ARHGEF18: variants seen among roughly 807,000 people sequenced by gnomAD.
ARHGEF18 encodes the protein rho guanine nucleotide exchange factor 18.
ARHGEF18 carries 93 observed loss-of-function variants against 155.7 expected under a neutral mutation model. That is an observed-to-expected ratio of 0.60 (90% confidence interval 0.50 to 0.71). The LOEUF is 0.71. Among genes scored for constraint, ARHGEF18 ranks in the 30% least tolerant of loss-of-function variants. The pLI is 0.00. For synonymous variants in ARHGEF18, 742 were observed against 753.1 expected (o/e 0.99, Z 0.24); for missense variants, 1,593 against 1,816.1 (o/e 0.88, Z 2.23).
At chr19:7,447,256 T>C (rs1232803289) in intron 15 of ARHGEF18, 88 bp downstream of exon 15, 11 of 1,311,458 alleles carry the variant, frequency 8.4e-6, no homozygotes, top group Non-Finnish European at 8.2e-6. Flanking sequence ...TTTGGGAGTC[T>C]GAGGCGGGCG....
intron 1 of ARHGEF18, among the ~76,000 whole-genome samples, chr19:7,359,094 CAGG>C (rs1935422990): frequency 6.6e-6 from 1 of 152,036 alleles, no homozygotes; most frequent in Non-Finnish European, 1.5e-5. Flanking sequence ...ACAGAGATAC[CAGG>C]AGAATGGTGA....
At chr19:7,442,901 CTTTTT>C (rs922748123) in intron 13 of ARHGEF18, among the ~76,000 whole-genome samples, 2 of 151,720 alleles carry the variant, frequency 1.3e-5, no homozygotes, top group African/African-American at 4.8e-5. Context: ...CCTCTTTTTT[CTTTTT>C]TTGAGACAGG....
At position 7,395,043 on chromosome 19, in the gene ARHGEF18, A is replaced by G. The variant is rs1971611575; in HGVS notation, c.967+11840A>G. 2.0e-6 allele frequency: 2 copies of G among 985,114 alleles called. No homozygotes were observed. The highest frequency in any genetic ancestry group is 2.4e-6 in the Non-Finnish European group (2 of 829,736). 61.0% of individuals were successfully genotyped at this position (985,114 alleles called of 1,614,324 possible). Reference sequence around the variant, plus strand: ...GGTCCCCGGGAGCGCCCCGCCCTCGAGGGCACGCCTCCTTCCGGGTCACGC... The same window carrying G: ...GGTCCCCGGGAGCGCCCCGCCCTCGGGGGCACGCCTCCTTCCGGGTCACGC... On this transcript the variant is annotated intron_variant, in intron 10 of 28. Coordinates refer to ENST00000668164, the MANE Select transcript of ARHGEF18 (RefSeq NM_001367823.1). The surrounding 1 kb of genome is among the most constrained non-coding windows in gnomAD (Gnocchi z 5.0).
chr19:7,416,578 T>TGTGTGTGTGTGTGTGTGTGTGTG (rs1555714166), intron 10 of ARHGEF18, among the ~76,000 whole-genome samples: 1 of 132,504 alleles, frequency 7.5e-6, no homozygotes, highest in Admixed American at 7.4e-5. Context: ...TGTGTGTGTG[T>TGTGTGTGTGTGTGTGTGTGTGTG]TTTGGGGTGG....
chr19:7,349,478 G>C (rs1215210756), intron 1 of ARHGEF18, among the ~76,000 whole-genome samples: 1 of 151,956 alleles, frequency 6.6e-6, no homozygotes, highest in African/African-American at 2.4e-5. Flanking sequence ...GGGCTGCTAG[G>C]TAAGAAAGGA....
intron 15 of ARHGEF18, among the ~76,000 whole-genome samples, chr19:7,448,297 C>T (rs993961725): frequency 1.3e-5 from 2 of 152,084 alleles, no homozygotes; most frequent in African/African-American, 4.8e-5. Context: ...GGCAGATCAC[C>T]TGAGGTCAGA....
chr19:7,351,870 G>C (rs1415523145), intron 1 of ARHGEF18, among the ~76,000 whole-genome samples: 1 of 150,946 alleles, frequency 6.6e-6, no homozygotes, highest in Non-Finnish European at 1.5e-5. Flanking sequence ...AATTTTAGTA[G>C]TTTTAGTAGA....
chr19:7,402,455 G>C (rs1256230592), intron 10 of ARHGEF18, among the ~76,000 whole-genome samples: 2 of 152,134 alleles, frequency 1.3e-5, no homozygotes, highest in Non-Finnish European at 2.9e-5. Context: ...AATAGATTGT[G>C]ATGACAGATG....
At chr19:7,426,333 A>G (rs1973659541) in intron 10 of ARHGEF18, among the ~76,000 whole-genome samples, 2 of 151,832 alleles carry the variant, frequency 1.3e-5, no homozygotes, top group African/African-American at 4.8e-5. Flanking sequence ...CTAAAAATAG[A>G]AAAATTAGCC....
chr19:7,457,465 T>A (rs1225931961), intron 18 of ARHGEF18, among the ~76,000 whole-genome samples: 3 of 146,600 alleles, frequency 2.0e-5, no homozygotes, highest in Non-Finnish European at 3.0e-5. Flanking sequence ...CGAGTTCAAG[T>A]GATTCTCCTG....
chr19:7,470,223 A>G lies in ARHGEF18; in HGVS notation c.4011A>G (p.Pro1337=), dbSNP rs1487344584. ...GCACAGCCCTCCTGCCCGGGCCCCC[A>G]GCTCCCTCGCCACTGCCGGCCACAC... ...AGGTALLPGP[P]APSPLPATPL... Residue 1337 remains proline (P), a synonymous_variant, in exon 29 of 29, where the codon CCA becomes CCG. Transcript: ENST00000668164. The surrounding 1 kb of genome is among the most constrained non-coding windows in gnomAD (Gnocchi z 5.9). The G allele has an allele frequency of 1.2e-6, 2 of 1,609,226 alleles. No homozygotes were observed. Among genetic ancestry groups the G allele is most frequent in the South Asian group, 1.1e-5 (1 of 90,884 alleles).
chr19:7,478,236 A>G, the ARHGEF18 span: 1 of 1,485,208 alleles, frequency 6.7e-7, no homozygotes, highest in Admixed American at 1.9e-5. Context: ...ATGGGCCTGC[A>G]CAGGGGTGGC....
chr19:7,363,260 C>T (rs6603110), intron 2 of ARHGEF18, among the ~76,000 whole-genome samples: 144,821 of 151,968 alleles, frequency 0.95, 69,038 homozygotes, highest in Middle Eastern at 0.99. Flanking sequence ...AGAAGGGTGG[C>T]TGGGTGGATG....
At chr19:7,385,872 C>CTCTCTCTCTCTCTCTCT (rs1568285803) in intron 10 of ARHGEF18, among the ~76,000 whole-genome samples, 1 of 49,670 alleles carries the variant, frequency 2.0e-5, no homozygotes, top group East Asian at 7.0e-4. Flanking sequence ...TCTCTCTCTC[C>CTCTCTCTCTCTCTCTCT]CCCCTCCCTC....
intron 10 of ARHGEF18, among the ~76,000 whole-genome samples, chr19:7,429,509 G>A (rs976070647): frequency 1.4e-4 from 22 of 152,152 alleles, no homozygotes; most frequent in Non-Finnish European, 2.8e-4. Flanking sequence ...AGGCTTAGGC[G>A]GGAGAATTGC....
At chr19:7,459,389 T>C (rs898295946) in intron 19 of ARHGEF18, among the ~76,000 whole-genome samples, 2 of 151,904 alleles carry the variant, frequency 1.3e-5, no homozygotes, top group Non-Finnish European at 2.9e-5. Context: ...CCCAGCTAGA[T>C]TTTTTATTTT....
At chr19:7,391,269 T>A (rs1326476943) in intron 10 of ARHGEF18, among the ~76,000 whole-genome samples, 1 of 151,902 alleles carries the variant, frequency 6.6e-6, no homozygotes, top group Non-Finnish European at 1.5e-5. Flanking sequence ...TTTCCTCCCG[T>A]CCGTGGGACA....
At position 7,451,353 on chromosome 19, in the gene ARHGEF18, ACT is replaced by A. The variant is rs1600494694; in HGVS notation, c.1855+88_1855+89del. ...TACCCACTCCCTATTTGAGCAGCAA[ACT>A]GAATAAATTCCCTTTGAAATCCAGT... On this transcript the variant is annotated intron_variant, in intron 16 of 28. Transcript: ENST00000668164. 76 of 1,141,186 alleles carry A rather than the reference ACT, an allele frequency of 6.7e-5. No homozygotes were observed. In the East Asian group the frequency reaches 2.0e-3, roughly 30 times the overall value. 70.7% of individuals were successfully genotyped at this position (1,141,186 alleles called of 1,614,324 possible). A position where few individuals can be genotyped will look rare whatever the true frequency, so the allele number is the denominator to read the frequency against.
chr19:7,407,983 A>AAAAAAAAAAAAAAAAAAAAAAC (rs1555711562), intron 10 of ARHGEF18, among the ~76,000 whole-genome samples: 12 of 141,962 alleles, frequency 8.5e-5, no homozygotes, highest in African/African-American at 3.4e-4. Context: ...AAAAAAAAAA[A>AAAAAAAAAAAAAAAAAAAAAAC]AAAAGAGGTA....
Sources: allele counts gnomAD v4.1 joint callset (sites outside exome capture counted in the v4.1 genomes callset), GRCh38; gene constraint gnomAD v4.1.1; non-coding constraint Gnocchi (gnomAD v3.1); transcripts MANE v1.5; gene names NCBI Gene and HGNC (gene_info 2026-07-23, HGNC 2026-07-21).